The following INO80 variants were observed in gnomAD, a reference collection of about 807,000 sequenced individuals.
INO80 encodes INO80 complex ATPase subunit.
INO80 carries 20 observed loss-of-function variants against 203.4 expected under a neutral mutation model. That is an observed-to-expected ratio of 0.10 (90% CI 0.07 to 0.14). INO80 has a LOEUF of 0.14. INO80 is among the 10% of genes least tolerant of loss of function. The pLI is 1.00. For missense variants in INO80, 1,419 were observed against 1,914.4 expected (o/e 0.74, Z 4.83); for synonymous variants, 726 against 685.2 (o/e 1.06, Z -0.93).
intron 29 of INO80, among the ~76,000 whole-genome samples, chr15:40,994,314 T>G (rs970743438): frequency 6.6e-6 from 1 of 152,174 alleles, no homozygotes; most frequent in Admixed American, 6.5e-5. Flanking sequence ...ATCATTCTCA[T>G]GCTACCACTC....
Position 41,044,921 on chromosome 15 carries a change from T to G in INO80, c.2890A>C (p.Ser964Arg), listed in dbSNP as rs749342695. The change falls in exon 24 of 36, where the codon AGC (serine) becomes CGC (arginine). Residue 964 changes from serine (S) to arginine (R), a missense_variant. Physicochemically the swap from Ser to Arg is moderately radical, Grantham distance 110. Around this residue, in one of 9 missense-constraint regions of INO80, gnomAD observed 302 missense variants for 345.4 expected, o/e 0.87. Transcript: ENST00000648947. Reference protein sequence around the residue: ...NFPLSFPNLCSCPLLKSLVFS... With the variant: ...NFPLSFPNLCRCPLLKSLVFS... The stretch of plus-strand genomic sequence containing the variant: ...TTGCTTACCTTTAACAAAGGGCAGC[T>G]GCAAAGGTTTGGAAAGGAGAGTGGA... The G allele has an allele frequency of 2.5e-6, 4 of 1,609,692 alleles. No individual in the cohort carries two copies. The Admixed American group carries it at 6.8e-5, about 27-fold the overall frequency.
At chr15:41,105,339 C>T (rs2045866414) in intron 1 of INO80, among the ~76,000 whole-genome samples, 1 of 152,120 alleles carries the variant, frequency 6.6e-6, no homozygotes, top group African/African-American at 2.4e-5. Flanking sequence ...TCCCTATTTT[C>T]TCAAATACTT....
chr15:41,068,398 C>T lies in INO80; in HGVS notation c.1782+1172G>A, dbSNP rs746314004. On this transcript the variant is annotated intron_variant, in intron 14 of 35. Transcript: ENST00000648947. ...CGTCAGTAGAGAAACCCCGTCTCTACTAAAAATACAAAATTAGCCGGGCAT... is the reference window on the plus strand; with the variant it reads ...CGTCAGTAGAGAAACCCCGTCTCTATTAAAAATACAAAATTAGCCGGGCAT... 1.7e-4 allele frequency among the ~76,000 whole-genome samples: 26 copies of T among 151,636 alleles called. 1 individual carries two copies. The highest frequency in any genetic ancestry group is 1.0e-3 in the South Asian group (5 of 4,816).
At chr15:41,077,218 A>AT (rs112772265) in intron 9 of INO80, among the ~76,000 whole-genome samples, 109 of 144,638 alleles carry the variant, frequency 7.5e-4, no homozygotes, top group Middle Eastern at 3.7e-3. Context: ...TGTTTGCTTT[A>AT]TTTTTTTTTT....
chr15:41,053,428 G>C (rs1012478541), intron 19 of INO80, among the ~76,000 whole-genome samples: 1 of 152,116 alleles, frequency 6.6e-6, no homozygotes. Flanking sequence ...TTGAAGAAGA[G>C]AGACAGACAC....
chr15:41,058,847 T>A (rs1279853393), intron 15 of INO80, 66 bp from the exon 16 acceptor site: 2 of 1,506,982 alleles, frequency 1.3e-6, no homozygotes, highest in African/African-American at 2.8e-5. Context: ...AACTGATGTA[T>A]GGACTGTTTT....
intron 23 of INO80, among the ~76,000 whole-genome samples, chr15:41,046,144 A>C (rs1470929914): frequency 8.1e-6 from 1 of 124,124 alleles, no homozygotes; most frequent in Non-Finnish European, 1.8e-5. Context: ...GTTTATATTT[A>C]AGGGGTGTGT....
chr15:41,063,763 G>A (rs1596304081), intron 14 of INO80, among the ~76,000 whole-genome samples: 1 of 151,830 alleles, frequency 6.6e-6, no homozygotes, highest in African/African-American at 2.4e-5. Context: ...GATAGACTCC[G>A]TCTCAAAAAG....
At chr15:41,083,539 C>T (rs1415123803) in intron 7 of INO80, among the ~76,000 whole-genome samples, 1 of 151,580 alleles carries the variant, frequency 6.6e-6, no homozygotes, top group Admixed American at 6.6e-5. Context: ...AACCTCGTCT[C>T]TTCCAAAAAT....
chr15:40,987,115 C>T lies in INO80; in HGVS notation c.3808G>A (p.Asp1270Asn), dbSNP rs956633713. Residue 1270 changes from aspartate to asparagine, a missense_variant, in exon 31 of 36, where the codon GAC becomes AAC. Around this residue, in one of 9 missense-constraint regions of INO80, gnomAD observed 214 missense variants for 248.9 expected, o/e 0.86. Transcript: ENST00000648947. ...KPKEVVSLLL[D>N]DEELEKKLRL... ...CGTTTCTTCTCCAACTCTTCGTCGT[C>T]TAGAAGAAGACTAACCACCTCTTTG... is the stretch of plus-strand genomic sequence containing the variant. 2 of 1,610,796 alleles carry T rather than the reference C, an allele frequency of 1.2e-6. No individual in the cohort carries two copies. Among genetic ancestry groups the T allele is most frequent in the Admixed American group, 1.7e-5 (1 of 60,002 alleles).
intron 29 of INO80, among the ~76,000 whole-genome samples, chr15:40,988,530 G>A (rs2043772059): frequency 1.3e-5 from 2 of 152,148 alleles, no homozygotes; most frequent in Admixed American, 1.3e-4. Context: ...AGGTTGCGGT[G>A]AGCTGAGATT....
intron 24 of INO80, among the ~76,000 whole-genome samples, chr15:41,033,968 A>G (rs1472136435): frequency 2.0e-5 from 3 of 152,114 alleles, no homozygotes; most frequent in African/African-American, 7.2e-5. Context: ...AGGCTGAGGC[A>G]GGAGAATGGC....
chr15:40,984,395 C>T (rs781403468), intron 32 of INO80, 43 bp from the exon 33 acceptor site: 29 of 1,569,786 alleles, frequency 1.8e-5, no homozygotes, highest in Non-Finnish European at 2.1e-5. Context: ...TGAGGATGCA[C>T]CCCAAAAGAA....
Position 41,047,408 on chromosome 15 carries a change from C to T in INO80, c.2735G>A (p.Arg912Lys). ...ANLMLQGLLA[R>K]WLALFLSLKA... The stretch of plus-strand genomic sequence containing the variant: ...ATCAAGCAATAAGCAAACCTCTCAC[C>T]TGGCCAAAAGTCCCTGAAGCATAAG... The change falls in exon 23 of 36, where the codon AGA becomes AAA. Residue 912 changes from arginine to lysine, a missense_variant and splice_region_variant. Transcript: ENST00000648947. 1 of 1,610,990 alleles carries T rather than the reference C, an allele frequency of 6.2e-7. No homozygotes were observed. The highest frequency in any genetic ancestry group is 8.5e-7 in the Non-Finnish European group (1 of 1,177,596).
intron 10 of INO80, 60 bp from the exon 11 acceptor site, chr15:41,073,555 A>AATTGTATC: frequency 2.4e-6 from 3 of 1,260,622 alleles, no homozygotes; most frequent in Non-Finnish European, 3.5e-6. Flanking sequence ...CTAAGATACA[A>AATTGTATC]TTAACACCAA....
chr15:41,072,092 AAAAAAGAGGAAAAAT>A (rs1297975852), intron 11 of INO80, 34 bp from the exon 12 acceptor site: 24 of 1,346,998 alleles, frequency 1.8e-5, no homozygotes, highest in Non-Finnish European at 2.2e-5. Context: ...TTAGAAAAAA[AAAAAAGAGGAAAAAT>A]ATTACATGAA....
chr15:41,062,278 A>T (rs1016139897), intron 14 of INO80, among the ~76,000 whole-genome samples: 1 of 152,126 alleles, frequency 6.6e-6, no homozygotes, highest in Non-Finnish European at 1.5e-5. Flanking sequence ...TAAGTCAAGA[A>T]GGCAAGTTTT....
At chr15:40,983,533 TCAG>T (rs1596230795) in intron 34 of INO80, among the ~76,000 whole-genome samples, 1 of 152,170 alleles carries the variant, frequency 6.6e-6, no homozygotes, top group African/African-American at 2.4e-5. Flanking sequence ...TAATTAAAAA[TCAG>T]CAAAAATAAT....
Position 41,071,942 on chromosome 15 carries a change from A to C in INO80, c.1512T>G (p.Ala504=). The C allele has an allele frequency of 6.2e-7, 1 of 1,614,146 alleles. No individual in the cohort carries two copies. Residue 504 remains alanine, a synonymous_variant, in exon 12 of 36, where the codon GCT becomes GCG. Coordinates refer to ENST00000648947, the MANE Select transcript of INO80 (RefSeq NM_017553.3). The part of the protein sequence containing the change: ...SYSLANPSIR[A]GEDIPQPTIF... ...TTGTGGGCTGTGGAATATCCTCACC[A>C]GCCCGGATAGATGGGTTAGCCAGGC...
Sources: gnomAD v4.1 joint callset for allele counts (sites outside exome capture counted in the v4.1 genomes callset) on GRCh38, gnomAD v4.1.1 for gene constraint, gnomAD v4.1.1 regional missense constraint, MANE v1.5 for transcripts, NCBI Gene and HGNC (gene_info 2026-07-23, HGNC 2026-07-21) for gene names.